Variants in GABRB1 observed in about 807,000 individuals in gnomAD.
GABRB1 encodes the protein gamma-aminobutyric acid type A receptor subunit beta1.
GABRB1 carries 17 observed loss-of-function variants against 51.6 expected under a neutral mutation model. The ratio of observed to expected loss-of-function variants is 0.33; its 90% CI spans 0.23 to 0.49. GABRB1 has a LOEUF of 0.49. Among genes scored for constraint, GABRB1 ranks in the 20% least tolerant of loss-of-function variants. The pLI, the probability that GABRB1 is intolerant of heterozygous loss-of-function variation, is 0.99. For synonymous variants in GABRB1, 247 were observed against 218.9 expected (o/e 1.13, Z -1.14); for missense variants, 410 against 600.6 (o/e 0.68, Z 3.32).
intron 3 of GABRB1, among the ~76,000 whole-genome samples, chr4:47,125,576 GAC>G (rs2109661483): frequency 1.0e-3 from 1 of 968 alleles, no homozygotes; most frequent in Admixed American, 0.013. Context: ...TTTTTTTTGA[GAC>G]GGAGTCTCGC....
At chr4:47,009,698 A>T (rs1477065436) in intron 1 of GABRB1, among the ~76,000 whole-genome samples, 1 of 152,156 alleles carries the variant, frequency 6.6e-6, no homozygotes, top group Non-Finnish European at 1.5e-5. Flanking sequence ...GTAGGAGTGG[A>T]GAAGTTAATT....
intron 4 of GABRB1, among the ~76,000 whole-genome samples, chr4:47,173,059 C>T (rs1439988180): frequency 6.6e-6 from 1 of 152,054 alleles, no homozygotes; most frequent in Admixed American, 6.6e-5. Context: ...TAGTGGTAAC[C>T]ATTTCAAGAT....
exon 9 of GABRB1, chr4:47,426,428 C>CAAAAAAAAAAAAAAAAAAACA (rs1729301479): frequency 1.2e-5 from 1 of 84,822 alleles, no homozygotes; most frequent in Non-Finnish European, 2.6e-5. Context: ...CTTATGCTGC[C>CAAAAAAAAAAAAAAAAAAACA]AAAAAAAAAA....
At chr4:47,391,823 A>G (rs920603157) in intron 5 of GABRB1, among the ~76,000 whole-genome samples, 2 of 152,242 alleles carry the variant, frequency 1.3e-5, no homozygotes, top group African/African-American at 4.8e-5. Context: ...ACTTTACTAT[A>G]GACAGAATCT....
intron 4 of GABRB1, among the ~76,000 whole-genome samples, chr4:47,297,830 C>G (rs1724067847): frequency 6.6e-6 from 1 of 152,192 alleles, no homozygotes; most frequent in Non-Finnish European, 1.5e-5. Flanking sequence ...GACCAATATC[C>G]TTGATGAATA....
intron 5 of GABRB1, among the ~76,000 whole-genome samples, chr4:47,365,474 G>C (rs141180952): frequency 6.6e-6 from 1 of 152,118 alleles, no homozygotes; most frequent in Non-Finnish European, 1.5e-5. Flanking sequence ...GGTAAGGATT[G>C]TTTCTTCCCA....
intron 4 of GABRB1, among the ~76,000 whole-genome samples, chr4:47,181,100 T>C (rs139166174): frequency 9.2e-5 from 14 of 152,118 alleles, no homozygotes; most frequent in African/African-American, 3.1e-4. Context: ...AGCTATCATA[T>C]CTCCAAAGAT....
chr4:47,210,198 AAAT>A (rs1322938417), intron 4 of GABRB1, among the ~76,000 whole-genome samples: 1 of 152,134 alleles, frequency 6.6e-6, no homozygotes, highest in East Asian at 1.9e-4. Context: ...CTTTTCTGAG[AAAT>A]AATATATATT....
chr4:47,156,522 A>C (rs1359804211), intron 3 of GABRB1, among the ~76,000 whole-genome samples: 1 of 152,044 alleles, frequency 6.6e-6, no homozygotes, highest in East Asian at 1.9e-4. Context: ...TCACTGCTAA[A>C]TGTACCTAAC....
chr4:47,032,926 TGC>T, intron 3 of GABRB1: 20 of 358,952 alleles, frequency 5.6e-5, no homozygotes, highest in Non-Finnish European at 9.4e-5. Context: ...CGAGCCCGGA[TGC>T]ACCAAGGCCC....
At chr4:47,375,112 C>T (rs962452663) in intron 5 of GABRB1, among the ~76,000 whole-genome samples, 2 of 152,170 alleles carry the variant, frequency 1.3e-5, no homozygotes, top group African/African-American at 4.8e-5. Context: ...CATTATTAGT[C>T]TTTTAGGGAT....
intron 4 of GABRB1, among the ~76,000 whole-genome samples, chr4:47,258,724 T>A (rs1722312214): frequency 6.6e-6 from 1 of 152,150 alleles, no homozygotes; most frequent in African/African-American, 2.4e-5. Context: ...AATAACAAAA[T>A]TTTCTATGAA....
chr4:47,064,407 G>A (rs112087070), intron 3 of GABRB1, among the ~76,000 whole-genome samples: 6 of 152,232 alleles, frequency 3.9e-5, no homozygotes, highest in South Asian at 2.1e-4. Flanking sequence ...TGCTGAGGCC[G>A]ATGGATCACC....
chr4:47,191,899 A>G (rs1427236955), intron 4 of GABRB1, among the ~76,000 whole-genome samples: 5 of 152,152 alleles, frequency 3.3e-5, no homozygotes, highest in African/African-American at 1.2e-4. Flanking sequence ...CAAACAAACA[A>G]TGCAAAATTA....
At chr4:47,146,799 C>T (rs1464777537) in intron 3 of GABRB1, among the ~76,000 whole-genome samples, 2 of 152,034 alleles carry the variant, frequency 1.3e-5, no homozygotes, top group Non-Finnish European at 2.9e-5. Flanking sequence ...GCATTCTCAG[C>T]AAACCGAGTT....
chr4:47,183,905 C>T (rs995638167), intron 4 of GABRB1, among the ~76,000 whole-genome samples: 16 of 151,904 alleles, frequency 1.1e-4, no homozygotes, highest in Non-Finnish European at 2.2e-4. Context: ...CATACTTGGA[C>T]TACTTGCTTT....
intron 4 of GABRB1, among the ~76,000 whole-genome samples, chr4:47,256,477 C>T (rs995535773): frequency 1.1e-4 from 17 of 152,216 alleles, no homozygotes; most frequent in South Asian, 4.1e-4. Flanking sequence ...AACTGCACTA[C>T]ACGCTCTGCA....
intron 5 of GABRB1, among the ~76,000 whole-genome samples, chr4:47,338,767 G>A (rs1578105181): frequency 6.6e-6 from 1 of 152,148 alleles, no homozygotes; most frequent in Non-Finnish European, 1.5e-5. Flanking sequence ...AAGGAATTTA[G>A]CTCACAGTTC....
At chr4:47,074,349 A>C (rs1349881234) in intron 3 of GABRB1, among the ~76,000 whole-genome samples, 1 of 152,236 alleles carries the variant, frequency 6.6e-6, no homozygotes, top group African/African-American at 2.4e-5. Context: ...TTTTGAAAAT[A>C]GATCCTTCCT....
Sources: allele counts gnomAD v4.1 joint callset (sites outside exome capture counted in the v4.1 genomes callset), GRCh38; gene constraint gnomAD v4.1.1; transcripts MANE v1.5; gene names NCBI Gene and HGNC (gene_info 2026-07-23, HGNC 2026-07-21).